The following SLC44A4 variants were observed in gnomAD, a reference collection of about 807,000 sequenced individuals.
The protein encoded by SLC44A4 is solute carrier family 44 member 4.
Under a neutral mutation model 97.0 loss-of-function variants are expected in SLC44A4, and 74 were observed. That is an observed-to-expected ratio of 0.76 (90% CI 0.63 to 0.93). SLC44A4 has a LOEUF of 0.93. Ranked by LOEUF, SLC44A4 falls within the 40% of genes least tolerant of loss-of-function variation. The pLI, the probability that SLC44A4 is intolerant of heterozygous loss-of-function variation, is 0.00. For missense variants in SLC44A4, 799 were observed against 902.9 expected, an observed-to-expected ratio of 0.88 and a Z score of 1.48; for synonymous variants, 325 against 363.8, an observed-to-expected ratio of 0.89 and a Z score of 1.21.
Position 31,878,761 on chromosome 6 carries a change from GC to G in SLC44A4, c.40+179del, listed in dbSNP as rs749613481. On this transcript the variant is annotated intron_variant, in intron 1 of 20. Coordinates refer to ENST00000229729, the MANE Select transcript of SLC44A4 (RefSeq NM_025257.3). This position sits in a 1 kb window ranked among gnomAD's most constrained non-coding sequence, Gnocchi z 4.0. ...CCCCAGCAACAGCCCCAGCCCCCGG[GC>G]CCCATCCTCCTCCCAGGACCCTGAC... Among the ~76,000 whole-genome samples, 1 of 151,672 alleles carries G rather than the reference GC, an allele frequency of 6.6e-6. No homozygotes were observed. Among genetic ancestry groups the G allele is most frequent in the Non-Finnish European group, 1.5e-5 (1 of 67,898 alleles).
In SLC44A4 at chr6:31,875,101, G is replaced by T. The variant is rs924276946; in HGVS notation, c.243-73C>A. On this transcript the variant is annotated intron_variant, in intron 4 of 20. Transcript: ENST00000229729. The stretch of plus-strand genomic sequence containing the variant: ...GGGGAGGGGAGGGACCACTAGGGTG[G>T]CTTCTCAAGAATACAGTGGGCCCAG... The T allele has an allele frequency of 6.4e-6, 8 of 1,240,778 alleles. No individual in the cohort carries two copies. The Admixed American group carries it at 1.4e-4, about 21-fold the overall frequency. The allele number at this position is 1,240,778 out of a possible 1,614,324, so 76.9% of individuals were successfully genotyped here. A position where few individuals can be genotyped will look rare whatever the true frequency, so the allele number is the denominator to read the frequency against.
chr6:31,874,806 C>CCCA lies in SLC44A4; in HGVS notation c.380_382dup (p.Val127dup), dbSNP rs772954105. On this transcript the variant is annotated inframe_insertion, in exon 6 of 21. Transcript: ENST00000229729. This position sits in a 1 kb window ranked among gnomAD's most constrained non-coding sequence, Gnocchi z 4.8. ...AACAGTCTGTGAGAACTCGTTTTTT[C>CCCA]CCACAGTCCATGGGTCCTCCGGGCA... The CCCA allele has an allele frequency of 6.2e-7, 1 of 1,613,464 alleles. No individual in the cohort carries two copies. Among genetic ancestry groups the CCCA allele is most frequent in the Non-Finnish European group, 8.5e-7 (1 of 1,179,796 alleles).
intron 12 of SLC44A4, 30 bp from the exon 13 acceptor site, chr6:31,869,287 C>T (rs1763023348): frequency 6.5e-7 from 1 of 1,546,574 alleles, no homozygotes; most frequent in Non-Finnish European, 8.8e-7. Flanking sequence ...AGCATGATCA[C>T]ACGAGGTCTC....
In SLC44A4 at chr6:31,874,366, ATG is replaced by A. The variant is rs1763329057; in HGVS notation, c.529+92_529+93del. The A allele has an allele frequency of 7.2e-7, 1 of 1,393,992 alleles. No individual in the cohort carries two copies. Among genetic ancestry groups the A allele is most frequent in the Non-Finnish European group, 1.0e-6 (1 of 989,002 alleles). The allele number at this position is 1,393,992 out of a possible 1,614,324, so 86.4% of individuals were successfully genotyped here. On this transcript the variant is annotated intron_variant, in intron 7 of 20. Coordinates refer to ENST00000229729, the MANE Select transcript of SLC44A4 (RefSeq NM_025257.3). The surrounding 1 kb of genome is among the most constrained non-coding windows in gnomAD (Gnocchi z 4.8). ...ATTCCAATTTTGCCACCAACAAGCT[ATG>A]TGACTTCACTCTCTCTGGGCCTGAT...
In SLC44A4 at chr6:31,864,927, G is replaced by C. The variant is rs781470429; in HGVS notation, c.1832-17C>G. On this transcript the variant is annotated splice_polypyrimidine_tract_variant and intron_variant, in intron 18 of 20. Coordinates refer to ENST00000229729, the MANE Select transcript of SLC44A4 (RefSeq NM_025257.3). ...ACAGGACCCCTGTGGAATAATTCTG[G>C]GGGTTAGTGCTGCACCTCTGAGGCC... is the stretch of plus-strand genomic sequence containing the variant. 3.7e-6 allele frequency: 6 copies of C among 1,613,744 alleles called. No homozygotes were observed. Among genetic ancestry groups the C allele is most frequent in the Non-Finnish European group, 5.1e-6 (6 of 1,179,896 alleles).
chr6:31,869,216 G>T lies in SLC44A4; in HGVS notation c.1172C>A (p.Ala391Glu). 1 of 1,610,690 alleles carries T rather than the reference G, an allele frequency of 6.2e-7. No individual in the cohort carries two copies. The highest frequency in any genetic ancestry group is 2.2e-5 in the East Asian group (1 of 44,820). Residue 391 changes from alanine to glutamate, a missense_variant, in exon 13 of 21, where the codon GCA becomes GAA. Ala to Glu is a moderately radical substitution (Grantham distance 107). Coordinates refer to ENST00000229729, the MANE Select transcript of SLC44A4 (RefSeq NM_025257.3). ...TSGQPQYVLW[A>E]SNISSPGCEK... is the part of the protein sequence containing the mutation. ...ACAGCCGGGGGAGCTGATGTTGGAT[G>T]CCCAGAGCACATACTGGGGTTGCCC...
At position 31,863,513 on chromosome 6, in the gene SLC44A4, C is replaced by G; in HGVS notation, c.*114G>C. 1 of 1,411,376 alleles carries G rather than the reference C, an allele frequency of 7.1e-7. No individual in the cohort carries two copies. The highest frequency in any genetic ancestry group is 1.5e-5 in the African/African-American group (1 of 68,154). The allele number at this position is 1,411,376 out of a possible 1,614,324, so 87.4% of individuals were successfully genotyped here. A position where few individuals can be genotyped will look rare whatever the true frequency, so the allele number is the denominator to read the frequency against. ...AGTGTTGGATTACAGGCGTGAGCCA[C>G]GGCGCCTGGCCTAAAACCTTTTTTT... On this transcript the variant is annotated 3_prime_UTR_variant, in exon 21 of 21. Transcript: ENST00000229729.
Position 31,863,753 on chromosome 6 carries a change from G to A in SLC44A4, c.2012-5C>T, listed in dbSNP as rs2151550552. On this transcript the variant is annotated splice_polypyrimidine_tract_variant and splice_region_variant and intron_variant, in intron 20 of 20. Transcript: ENST00000229729. ...TGTTCCGCTCCAGGTCTTCCACTGA[G>A]CCGCAACAGAGACCGGTTAGAGCGG... 6.2e-7 allele frequency: 1 copy of A among 1,612,586 alleles called. No individual in the cohort carries two copies. The highest frequency in any genetic ancestry group is 1.3e-5 in the African/African-American group (1 of 75,006).
chr6:31,866,131 G>A lies in SLC44A4; in HGVS notation c.1234-5C>T. On this transcript the variant is annotated splice_polypyrimidine_tract_variant and splice_region_variant and intron_variant, in intron 13 of 20. Transcript: ENST00000229729. ...CGAGGAGTTCACAAGGTGGGCCTGGGAGGGTAGACGGGGATAGAGTAGGCT... is the reference window on the plus strand; with the variant it reads ...CGAGGAGTTCACAAGGTGGGCCTGGAAGGGTAGACGGGGATAGAGTAGGCT... 6.2e-7 allele frequency: 1 copy of A among 1,613,652 alleles called. No individual in the cohort carries two copies. The highest frequency in any genetic ancestry group is 1.1e-5 in the South Asian group (1 of 91,060).
At chr6:31,871,798 T>G (rs1339884991) in intron 7 of SLC44A4, among the ~76,000 whole-genome samples, 1 of 152,118 alleles carries the variant, frequency 6.6e-6, no homozygotes, top group African/African-American at 2.4e-5. Context: ...GCCTCAACTC[T>G]TAGAACACCC....
Position 31,869,153 on chromosome 6 carries a change from A to G in SLC44A4, c.1233+2T>C. 2 of 1,601,630 alleles carry G rather than the reference A, an allele frequency of 1.2e-6. No homozygotes were observed. Among genetic ancestry groups the G allele is most frequent in the Non-Finnish European group, 1.7e-6 (2 of 1,174,160 alleles). The stretch of plus-strand genomic sequence containing the variant: ...GCCTCCATGTCCCCTGCTTCCTCTT[A>G]CCGTGGGGTTGCATGATGTATTTAT... On this transcript the variant is annotated splice_donor_variant, in intron 13 of 20. Coordinates refer to ENST00000229729, the MANE Select transcript of SLC44A4 (RefSeq NM_025257.3). LOFTEE classifies it high-confidence loss of function.
At chr6:31,864,956 T>C in intron 18 of SLC44A4, 46 bp from the exon 19 acceptor site, 1 of 1,613,676 alleles carries the variant, frequency 6.2e-7, no homozygotes, top group Non-Finnish European at 8.5e-7. Flanking sequence ...TGAGGCCACC[T>C]CTTCAGCTGC....
intron 11 of SLC44A4, 137 bp from the exon 12 acceptor site, chr6:31,869,774 A>T (rs1008968735): frequency 3.8e-5 from 25 of 652,268 alleles, no homozygotes; most frequent in Non-Finnish European, 6.6e-5. Context: ...TCACGAGGTC[A>T]GGAGATCGAG....
intron 12 of SLC44A4, 88 bp from the exon 13 acceptor site, chr6:31,869,345 A>G: frequency 1.8e-6 from 2 of 1,104,304 alleles, no homozygotes; most frequent in Non-Finnish European, 2.6e-6. Context: ...GCTTGTGCAG[A>G]TCGTTTGCTG....
chr6:31,869,997 A>G (rs28381639), intron 11 of SLC44A4, among the ~76,000 whole-genome samples: 3,767 of 141,152 alleles, frequency 0.027, 67 homozygotes, highest in South Asian at 0.061. Context: ...AAAAAAAAAA[A>G]GGGGGGGGCT....
rs368333331 is a variant in SLC44A4, at chr6:31,871,023, C to T, written c.726G>A (p.Leu242=). The T allele has an allele frequency of 1.2e-6, 2 of 1,610,520 alleles. No individual in the cohort carries two copies. The highest frequency in any genetic ancestry group is 1.7e-6 in the Non-Finnish European group (2 of 1,179,090). Residue 242 remains leucine (L), a synonymous_variant, in exon 10 of 21, where the codon TTG becomes TTA. Transcript: ENST00000229729. ...GCAGAAGCAAGATAAACAGTAGGCT[C>T]AAGACCAGAGCCACCCCCAGGGCAC... The part of the protein sequence containing the change: ...ILVALGVALV[L]SLLFILLLRL...
chr6:31,867,729 G>GA (rs111558317), intron 13 of SLC44A4, among the ~76,000 whole-genome samples: 33 of 125,972 alleles, frequency 2.6e-4, no homozygotes, highest in African/African-American at 7.4e-4. Context: ...CATTAAAAAA[G>GA]AAAAAAAAAA....
At position 31,877,353 on chromosome 6, in the gene SLC44A4, T is replaced by A. The variant is rs538150461; in HGVS notation, c.41-271A>T. Among the ~76,000 whole-genome samples the A allele has an allele frequency of 1.6e-4, 24 of 152,136 alleles. No individual in the cohort carries two copies. Among genetic ancestry groups the A allele is most frequent in the African/African-American group, 5.3e-4 (22 of 41,494 alleles). On this transcript the variant is annotated intron_variant, in intron 1 of 20. Coordinates refer to ENST00000229729, the MANE Select transcript of SLC44A4 (RefSeq NM_025257.3). This position sits in a 1 kb window ranked among gnomAD's most constrained non-coding sequence, Gnocchi z 6.5. ...GTTTCCGGCTCACATCTCAAGGCAG[T>A]CAGTCTGGGAAATGGCCTTGGTCCC... is the stretch of plus-strand genomic sequence containing the variant.
Position 31,865,912 on chromosome 6 carries a change from G to A in SLC44A4, c.1448C>T (p.Pro483Leu). The A allele has an allele frequency of 6.2e-7, 1 of 1,614,184 alleles. No individual in the cohort carries two copies. The highest frequency in any genetic ancestry group is 8.5e-7 in the Non-Finnish European group (1 of 1,180,020). ...GAAGGCAGAGATTAAGGGGAAGGTA[G>A]GGATGTCCTGGGGCTTGTGGAAGGC... ...YWAFHKPQDI[P>L]TFPLISAFIR... Residue 483 changes from proline (P) to leucine (L), a missense_variant, in exon 14 of 21, where the codon CCT becomes CTT. By Grantham distance (98) the Pro-to-Leu change is moderately conservative (BLOSUM62 -3). Around this residue, in one of 3 missense-constraint regions of SLC44A4, gnomAD observed 379 missense variants for 438.3 expected, o/e 0.86. Transcript: ENST00000229729. The surrounding 1 kb of genome is among the most constrained non-coding windows in gnomAD (Gnocchi z 5.2).
Sources: gnomAD v4.1 joint callset for allele counts (sites outside exome capture counted in the v4.1 genomes callset) on GRCh38, gnomAD v4.1.1 for gene constraint, gnomAD v4.1.1 regional missense constraint, Gnocchi (gnomAD v3.1) non-coding constraint, MANE v1.5 for transcripts, NCBI Gene and HGNC (gene_info 2026-07-23, HGNC 2026-07-21) for gene names.